SLC66A1: variants seen among roughly 807,000 people sequenced by gnomAD.
SLC66A1 encodes lysosomal amino acid transporter 1 homolog.
In SLC66A1, 23 loss-of-function variants were observed where a neutral mutation model predicts 33.0. That is an observed-to-expected ratio of 0.70 (90% confidence interval 0.50 to 0.99). SLC66A1 has a LOEUF of 0.99. Ranked by LOEUF, SLC66A1 falls within the 50% of genes least tolerant of loss-of-function variation. SLC66A1 has a pLI of 0.00. For missense variants in SLC66A1, 335 were observed against 383.6 expected, an observed-to-expected ratio of 0.87 and a Z score of 1.06; for synonymous variants, 164 against 175.5, an observed-to-expected ratio of 0.93 and a Z score of 0.52.
chr1:19,327,262 T>C lies in SLC66A1; in HGVS notation c.654T>C (p.Ser218=). The C allele has an allele frequency of 6.2e-7, 1 of 1,613,916 alleles. No individual in the cohort carries two copies. The change falls in exon 7 of 8, where the codon TCT becomes TCC. Residue 218 remains serine (S), a synonymous_variant. Transcript: ENST00000375153. ...AGTCCACCCAGGGGATCTCCTACTC[T>C]CTGTTCGCGCTGGTGATGCTGGGGA... The part of the protein sequence containing the change: ...LRKSTQGISY[S]LFALVMLGNT...
rs1426213798 is a variant in SLC66A1, at chr1:19,326,567, G to A, written c.562G>A (p.Gly188Ser). The A allele has an allele frequency of 3.7e-6, 6 of 1,614,058 alleles. No individual in the cohort carries two copies. Among genetic ancestry groups the A allele is most frequent in the Admixed American group, 1.7e-5 (1 of 59,998 alleles). The change falls in exon 6 of 8, where the codon GGC (glycine) becomes AGC (serine). Residue 188 changes from glycine (G) to serine (S), a missense_variant. By Grantham distance (56) the Gly-to-Ser change is moderately conservative. Transcript: ENST00000375153. ...GCAGGAAGTCATTGGCTTCGTCATC[G>A]GCTCCATCTCCAGCGTGTTGTACCT... ...TRQEVIGFVI[G>S]SISSVLYLLS...
intron 2 of SLC66A1, among the ~76,000 whole-genome samples, chr1:19,322,683 C>G (rs890905015): frequency 1.3e-5 from 2 of 152,108 alleles, no homozygotes; most frequent in African/African-American, 4.8e-5. Context: ...GGAAAGATGA[C>G]TCCGAGGTCT....
downstream of SLC66A1, among the ~76,000 whole-genome samples, chr1:19,330,748 A>ACCCAGCAGCAG (rs890878512): frequency 6.6e-6 from 1 of 152,152 alleles, no homozygotes; most frequent in Non-Finnish European, 1.5e-5. Context: ...CCTGGGGCAC[A>ACCCAGCAGCAG]CCCAGCAGCA....
chr1:19,329,778 G>C (rs1051064071), downstream of SLC66A1, among the ~76,000 whole-genome samples: 1 of 152,194 alleles, frequency 6.6e-6, no homozygotes, highest in African/African-American at 2.4e-5. Flanking sequence ...GAGAAGAGGA[G>C]CAACCAGATC....
chr1:19,328,831 G>T lies in SLC66A1; in HGVS notation c.*188G>T, dbSNP rs893436015. The T allele has an allele frequency of 1.5e-6, 1 of 647,548 alleles. No homozygotes were observed. The highest frequency in any genetic ancestry group is 2.6e-6 in the Non-Finnish European group (1 of 377,692). The allele number at this position is 647,548 out of a possible 1,614,324, so 40.1% of individuals were successfully genotyped here. On this transcript the variant is annotated 3_prime_UTR_variant, in exon 8 of 8. Transcript: ENST00000375153. This position sits in a 1 kb window ranked among gnomAD's most constrained non-coding sequence, Gnocchi z 4.7. Reference sequence around the variant, plus strand: ...CCCCGAAGCCTCAAGGCCGGGGCTGGAGCGGAGACCCCAGGGCCTCTCAGG... The same window carrying T: ...CCCCGAAGCCTCAAGGCCGGGGCTGTAGCGGAGACCCCAGGGCCTCTCAGG...
At chr1:19,324,194 G>A (rs529254663) in intron 2 of SLC66A1, among the ~76,000 whole-genome samples, 1 of 152,370 alleles carries the variant, frequency 6.6e-6, no homozygotes, top group South Asian at 2.1e-4. Flanking sequence ...GCGTGCCCAG[G>A]CCTTCGGCCC....
chr1:19,324,840 C>T (rs1001005319), intron 3 of SLC66A1, 78 bp downstream of exon 3: 9 of 1,541,198 alleles, frequency 5.8e-6, no homozygotes, highest in African/African-American at 1.4e-5. Context: ...AGATGCCAGG[C>T]TCTTTGGCCC....
chr1:19,327,560 T>TCC, intron 7 of SLC66A1, 148 bp downstream of exon 7: 1 of 400,252 alleles, frequency 2.5e-6, no homozygotes, highest in Non-Finnish European at 3.9e-6. Context: ...TCCCTCCATC[T>TCC]GTTCACCCAG....
Position 19,327,275 on chromosome 1 carries a change from G to A in SLC66A1, c.667G>A (p.Val223Met), listed in dbSNP as rs781461850. Residue 223 changes from valine to methionine, a missense_variant, in exon 7 of 8, where the codon GTG becomes ATG. Coordinates refer to ENST00000375153, the MANE Select transcript of SLC66A1 (RefSeq NM_001040125.2). ...QGISYSLFALVMLGNTLYGLS... is the reference protein window; with the variant it reads ...QGISYSLFALMMLGNTLYGLS... ...GATCTCCTACTCTCTGTTCGCGCTG[G>A]TGATGCTGGGGAACACGCTGTATGG... 1.2e-6 allele frequency: 2 copies of A among 1,613,818 alleles called. No homozygotes were observed. The highest frequency in any genetic ancestry group is 1.7e-6 in the Non-Finnish European group (2 of 1,179,936).
At chr1:19,324,896 G>T in intron 3 of SLC66A1, 134 bp downstream of exon 3, 2 of 1,240,384 alleles carry the variant, frequency 1.6e-6, no homozygotes, top group Non-Finnish European at 2.2e-6. Context: ...TTGTGGGAGG[G>T]CCCCATCCTT....
chr1:19,325,434 C>G lies in SLC66A1; in HGVS notation c.295-61C>G. 4.2e-6 allele frequency: 5 copies of G among 1,204,312 alleles called. No homozygotes were observed. In the South Asian group the frequency reaches 6.2e-5, roughly 15 times the overall value. The allele number at this position is 1,204,312 out of a possible 1,614,324, so 74.6% of individuals were successfully genotyped here. On this transcript the variant is annotated intron_variant, in intron 3 of 7. Coordinates refer to ENST00000375153, the MANE Select transcript of SLC66A1 (RefSeq NM_001040125.2). ...CAGCTGGGATATGACAGAGGGCTGC[C>G]GGGGCGTGGTCTCAGATCCTGGGAC...
chr1:19,323,549 G>A (rs1305163408), intron 2 of SLC66A1, among the ~76,000 whole-genome samples: 3 of 152,152 alleles, frequency 2.0e-5, no homozygotes, highest in Admixed American at 1.3e-4. Context: ...TGGGATTACA[G>A]GCGTGCGCCA....
chr1:19,314,964 A>G (rs1165751191), intron 1 of SLC66A1, among the ~76,000 whole-genome samples: 2 of 151,912 alleles, frequency 1.3e-5, no homozygotes, highest in African/African-American at 4.8e-5. Context: ...TTGGAGTGCA[A>G]TGGCGCGATC....
In SLC66A1 at chr1:19,328,170, T is replaced by G; in HGVS notation, c.805-402T>G. On this transcript the variant is annotated intron_variant, in intron 7 of 7. Coordinates refer to ENST00000375153, the MANE Select transcript of SLC66A1 (RefSeq NM_001040125.2). This position sits in a 1 kb window ranked among gnomAD's most constrained non-coding sequence, Gnocchi z 4.7. The stretch of plus-strand genomic sequence containing the variant: ...ATTTCGGAGCAAGTAAACATGGCCT[T>G]TGTTTTAATATTTGTTAAGTCCCTG... 2 of 294,352 alleles carry G rather than the reference T, an allele frequency of 6.8e-6. No individual in the cohort carries two copies. 18.2% of individuals were successfully genotyped at this position (294,352 alleles called of 1,614,324 possible).
At chr1:19,322,889 T>C (rs1162317934) in intron 2 of SLC66A1, among the ~76,000 whole-genome samples, 1 of 151,614 alleles carries the variant, frequency 6.6e-6, no homozygotes, top group African/African-American at 2.4e-5. Context: ...AAGACAATTT[T>C]TTTTTTTTTT....
Position 19,324,727 on chromosome 1 carries a change from A to G in SLC66A1, c.259A>G (p.Ile87Val). The change falls in exon 3 of 8, where the codon ATC (isoleucine) becomes GTC (valine). Residue 87 changes from isoleucine (I) to valine (V), a missense_variant. By Grantham distance (29) the Ile-to-Val change is conservative (BLOSUM62 3). Coordinates refer to ENST00000375153, the MANE Select transcript of SLC66A1 (RefSeq NM_001040125.2). ...GATTGGCGGAGACTCCTGCAACCTC[A>G]TCGGCTCCTTCCTTGCTGACCAGCT... ...GWIGGDSCNL[I>V]GSFLADQLPL... 1 of 1,613,852 alleles carries G rather than the reference A, an allele frequency of 6.2e-7. No homozygotes were observed. Among genetic ancestry groups the G allele is most frequent in the East Asian group, 2.2e-5 (1 of 44,842 alleles).
At chr1:19,320,482 C>G (rs1297367485) in intron 2 of SLC66A1, among the ~76,000 whole-genome samples, 1 of 139,064 alleles carries the variant, frequency 7.2e-6, no homozygotes, top group South Asian at 2.3e-4. Context: ...GGTGCGATCT[C>G]GGCTCACTGC....
chr1:19,314,462 A>C (rs2093794943), intron 1 of SLC66A1, among the ~76,000 whole-genome samples: 1 of 152,180 alleles, frequency 6.6e-6, no homozygotes, highest in Non-Finnish European at 1.5e-5. Flanking sequence ...AGATGTGTCC[A>C]TTTCATTTCC....
chr1:19,327,423 G>A lies in SLC66A1; in HGVS notation c.804+11G>A, dbSNP rs780851443. On this transcript the variant is annotated intron_variant, in intron 7 of 7. Coordinates refer to ENST00000375153, the MANE Select transcript of SLC66A1 (RefSeq NM_001040125.2). ...CTGCTCGACACCATCGTATCCTTCA[G>A]GGCGTGTGGGGCAGGTGGCGGGGTG... 5 of 1,575,910 alleles carry A rather than the reference G, an allele frequency of 3.2e-6. No individual in the cohort carries two copies. Among genetic ancestry groups the A allele is most frequent in the Middle Eastern group, 4.3e-4 (2 of 4,608 alleles).
Sources: allele counts gnomAD v4.1 joint callset (sites outside exome capture counted in the v4.1 genomes callset), GRCh38; gene constraint gnomAD v4.1.1; non-coding constraint Gnocchi (gnomAD v3.1); transcripts MANE v1.5; gene names NCBI Gene and HGNC (gene_info 2026-07-23, HGNC 2026-07-21).